The following PNPLA4 variants were observed in gnomAD, a reference collection of about 807,000 sequenced individuals.
PNPLA4 encodes the protein patatin-like phospholipase domain-containing protein 4.
A neutral mutation model predicts 18.3 loss-of-function variants in PNPLA4; 15 were observed. That is an observed-to-expected ratio of 0.82 (90% CI 0.55 to 1.26). The LOEUF is 1.26. Ranked by LOEUF, PNPLA4 falls within the 50% of genes most tolerant of loss-of-function variation. The pLI, the probability that PNPLA4 is intolerant of heterozygous loss-of-function variation, is 0.00. For missense variants in PNPLA4, 229 were observed against 196.8 expected (o/e 1.16, Z -0.98); for synonymous variants, 88 against 85.6 (o/e 1.03, Z -0.16).
intron 5 of PNPLA4, among the ~76,000 whole-genome samples, chrX:7,905,437 C>T (rs1439700126): frequency 8.9e-6 from 1 of 111,767 alleles, no homozygotes; most frequent in African/African-American, 3.3e-5. Context: ...CCAGTTTATT[C>T]ATTCAGCAAG....
intron 5 of PNPLA4, among the ~76,000 whole-genome samples, chrX:7,906,125 T>C (rs750560534): frequency 1.8e-5 from 2 of 112,041 alleles, no homozygotes; most frequent in South Asian, 3.7e-4. Flanking sequence ...AATAATTTCT[T>C]ATTTGCAAAC....
Position 7,921,772 on chromosome X carries a change from C to T in PNPLA4, c.352G>A (p.Ala118Thr), listed in dbSNP as rs186093844. 1.1e-4 allele frequency: 136 copies of T among 1,204,510 alleles called. No homozygotes were observed. The highest frequency in any genetic ancestry group is 1.5e-4 in the Non-Finnish European group (131 of 890,893). ...ACTAAGTGATTTTCTCTGGTTTTGG[C>T]GTTGGTGATGGATACGTGCAGTCGG... ...QNRLHVSITNAKTRENHLVST... is the reference protein window; with the variant it reads ...QNRLHVSITNTKTRENHLVST... The change falls in exon 4 of 7, where the codon GCC becomes ACC. Residue 118 changes from alanine (A) to threonine (T), a missense_variant. By Grantham distance (58) the Ala-to-Thr change is moderately conservative (BLOSUM62 0). Transcript: ENST00000381042.
chrX:7,914,487 T>C (rs1923975881), intron 4 of PNPLA4, among the ~76,000 whole-genome samples: 1 of 112,108 alleles, frequency 8.9e-6, no homozygotes, highest in South Asian at 3.7e-4. Flanking sequence ...CAATTGGCTA[T>C]GCTTTTAAAA....
intron 4 of PNPLA4, among the ~76,000 whole-genome samples, chrX:7,917,814 G>A (rs1202853332): frequency 9.0e-6 from 1 of 110,776 alleles, no homozygotes; most frequent in African/African-American, 3.3e-5. Context: ...TCAAAAACAC[G>A]TCAAAATACA....
At chrX:7,923,113 C>G (rs1172588922) in intron 2 of PNPLA4, among the ~76,000 whole-genome samples, 1 of 112,531 alleles carries the variant, frequency 8.9e-6, no homozygotes, top group African/African-American at 3.2e-5. Context: ...AGTCTCTCCT[C>G]TCCCCACAAA....
rs1205535508 is a variant in PNPLA4 at position 7,921,742 on chromosome X, T to C, written c.382A>G (p.Thr128Ala). 7 of 1,209,712 alleles carry C rather than the reference T, an allele frequency of 5.8e-6. No individual in the cohort carries two copies. In the Admixed American group the frequency reaches 1.3e-4, roughly 23 times the overall value. Residue 128 changes from threonine to alanine, a missense_variant, in exon 4 of 7, where the codon ACT becomes GCT. Coordinates refer to ENST00000381042, the MANE Select transcript of PNPLA4 (RefSeq NM_004650.3). ...ATGAGGTCCTCCCTGGAGGAAAAAG[T>C]GGAGACTAAGTGATTTTCTCTGGTT... Reference protein sequence around the residue: ...AKTRENHLVSTFSSREDLIKV... With the variant: ...AKTRENHLVSAFSSREDLIKV...
chrX:7,922,590 T>C (rs2240581), intron 2 of PNPLA4, among the ~76,000 whole-genome samples: 7,916 of 111,555 alleles, frequency 0.071, 424 homozygotes, highest in East Asian at 0.42. Flanking sequence ...ACTGGTATTT[T>C]ATAAAGTCTT....
At chrX:7,902,207 T>C (rs1923563549) in intron 5 of PNPLA4, 66 bp from the exon 6 acceptor site, 3 of 1,001,378 alleles carry the variant, frequency 3.0e-6, no homozygotes, top group Non-Finnish European at 2.7e-6. Context: ...AAAAGCAGCT[T>C]CTAATAATAT....
At chrX:7,926,168 A>G in intron 1 of PNPLA4, 36 bp from the exon 2 acceptor site, 1 of 1,033,708 alleles carries the variant, frequency 9.7e-7, no homozygotes, top group Non-Finnish European at 1.3e-6. Context: ...TGTAAGTTGG[A>G]ATAGTTTATC....
chrX:7,920,173 T>C (rs1461775310), intron 4 of PNPLA4, among the ~76,000 whole-genome samples: 4 of 111,489 alleles, frequency 3.6e-5, no homozygotes, highest in African/African-American at 1.3e-4. Flanking sequence ...TCTGTCATTG[T>C]AGACAGAAAA....
Position 7,902,113 on chromosome X carries a change from G to A in PNPLA4, c.506C>T (p.Ala169Val), listed in dbSNP as rs776110751. 2.7e-5 allele frequency: 32 copies of A among 1,204,403 alleles called. No individual in the cohort carries two copies. In the Middle Eastern group the frequency reaches 1.1e-3, roughly 43 times the overall value. Residue 169 changes from alanine (A) to valine (V), a missense_variant, in exon 6 of 7, where the codon GCT (alanine) becomes GTT (valine). Ala to Val is a moderately conservative substitution (Grantham distance 64). Transcript: ENST00000381042. The stretch of plus-strand genomic sequence containing the variant: ...CCGGCCGACGGGCAGGATGGGAAGA[G>A]CGTTGGTGAGGCCTCCGTCCACCCA... ...QKWVDGGLTN[A>V]LPILPVGRTV...
chrX:7,923,915 T>C (rs1009824561), intron 2 of PNPLA4, among the ~76,000 whole-genome samples: 5 of 111,218 alleles, frequency 4.5e-5, no homozygotes, highest in African/African-American at 1.6e-4. Context: ...AGGTGGATTG[T>C]AGGGAGCTTG....
At chrX:7,920,993 G>A (rs1924197267) in intron 4 of PNPLA4, among the ~76,000 whole-genome samples, 1 of 112,453 alleles carries the variant, frequency 8.9e-6, no homozygotes, top group Admixed American at 9.4e-5. Context: ...AAAGGGATCA[G>A]GTGTGGTGGT....
chrX:7,924,917 C>T (rs922956106), intron 2 of PNPLA4, among the ~76,000 whole-genome samples: 3 of 112,121 alleles, frequency 2.7e-5, no homozygotes, highest in Admixed American at 9.4e-5. Flanking sequence ...GCTTCAAAAA[C>T]GAAACACAGT....
intron 1 of PNPLA4, among the ~76,000 whole-genome samples, chrX:7,926,801 C>T (rs1286119287): frequency 1.8e-5 from 2 of 112,463 alleles, no homozygotes; most frequent in Non-Finnish European, 3.8e-5. Flanking sequence ...ATACTTGGAA[C>T]ACATCTAAAT....
At chrX:7,913,080 T>G (rs1421868679) in intron 4 of PNPLA4, among the ~76,000 whole-genome samples, 1 of 111,977 alleles carries the variant, frequency 8.9e-6, no homozygotes, top group African/African-American at 3.2e-5. Flanking sequence ...CATAACAATT[T>G]CCATAGGAAA....
intron 4 of PNPLA4, among the ~76,000 whole-genome samples, chrX:7,920,880 C>T (rs1924193178): frequency 8.9e-6 from 1 of 112,546 alleles, no homozygotes; most frequent in Admixed American, 9.4e-5. Flanking sequence ...GTTAGGAGAC[C>T]TGGGTACCAG....
chrX:7,905,198 G>C (rs1242826918), intron 5 of PNPLA4, among the ~76,000 whole-genome samples: 1 of 112,545 alleles, frequency 8.9e-6, no homozygotes, highest in Non-Finnish European at 1.9e-5. Context: ...GAAAGTTATA[G>C]CACTGAAAAC....
chrX:7,907,166 C>A (rs1179160), intron 5 of PNPLA4, among the ~76,000 whole-genome samples: 1 of 109,547 alleles, frequency 9.1e-6, no homozygotes, highest in Non-Finnish European at 1.9e-5. Flanking sequence ...TACAGGCATG[C>A]GCCACCATGC....
Sources: allele counts gnomAD v4.1 joint callset (sites outside exome capture counted in the v4.1 genomes callset), GRCh38; gene constraint gnomAD v4.1.1; transcripts MANE v1.5; gene names NCBI Gene and HGNC (gene_info 2026-07-23, HGNC 2026-07-21).